Variants in RPL4 observed in about 807,000 individuals in gnomAD.
RPL4 encodes the protein ribosomal protein L4.
A neutral mutation model predicts 47.7 loss-of-function variants in RPL4; 3 were observed. The ratio of observed to expected loss-of-function variants is 0.06; its 90% CI spans 0.03 to 0.16. The LOEUF (loss-of-function observed/expected upper bound fraction) is 0.16, where lower values mean the gene tolerates loss of function less well. Among genes scored for constraint, RPL4 ranks in the 10% least tolerant of loss-of-function variants. RPL4 has a pLI of 1.00. For synonymous variants in RPL4, 208 were observed against 182.1 expected, an observed-to-expected ratio of 1.14 and a Z score of -1.15; for missense variants, 413 against 551.3, an observed-to-expected ratio of 0.75 and a Z score of 2.51.
rs146895952 is a variant in RPL4, at chr15:66,500,069, C to T, written c.1025G>A (p.Arg342His). The part of the protein sequence containing the change: ...AKTMRRNTIL[R>H]QARNHKLRVD... The stretch of plus-strand genomic sequence containing the variant: ...AACTCCACTCACATTCCTGGCCTGG[C>T]GAAGAATGGTGTTCCGGCGCATGGT... Residue 342 changes from arginine to histidine, a missense_variant, in exon 9 of 10, where the codon CGC becomes CAC. Arg to His is a conservative substitution (Grantham distance 29, BLOSUM62 0). Transcript: ENST00000307961. 17 of 1,611,550 alleles carry T rather than the reference C, an allele frequency of 1.1e-5. No homozygotes were observed. The highest frequency in any genetic ancestry group is 2.7e-5 in the African/African-American group (2 of 74,768).
intron 3 of RPL4, 50 bp downstream of exon 3, chr15:66,503,008 G>A (rs1893654413): frequency 5.9e-6 from 9 of 1,536,046 alleles, no homozygotes; most frequent in South Asian, 1.1e-5. Flanking sequence ...GACCCAGGCC[G>A]CTAAATTCCA....
Position 66,499,443 on chromosome 15 carries a change from C to T in RPL4, c.1248G>A (p.Lys416=). 1 of 1,611,842 alleles carries T rather than the reference C, an allele frequency of 6.2e-7. No homozygotes were observed. The highest frequency in any genetic ancestry group is 8.5e-7 in the Non-Finnish European group (1 of 1,179,836). ...GCTTCTTCTCCTCTGTAGTAGGTTT[C>T]TTCTCTGCAGGCTTCTTTTCAGGGG... ...KPAPEKKPAE[K]KPTTEEKKPA... Residue 416 remains lysine (K), a synonymous_variant, in exon 10 of 10, where the codon AAG becomes AAA. Transcript: ENST00000307961.
chr15:66,499,643 G>T lies in RPL4; in HGVS notation c.1048C>A (p.Arg350=), dbSNP rs747582782. 2 of 1,613,848 alleles carry T rather than the reference G, an allele frequency of 1.2e-6. No homozygotes were observed. Among genetic ancestry groups the T allele is most frequent in the East Asian group, 2.2e-5 (1 of 44,886 alleles). The change falls in exon 10 of 10, where the codon CGG becomes AGG. Residue 350 remains arginine, a synonymous_variant. Transcript: ENST00000307961. The part of the protein sequence containing the change: ...ILRQARNHKL[R]VDKAAAAAAA... ...GCTGCAGCAGCTGCCTTATCCACCC[G>T]GAGCTTGTGCTGCAACAAATTAGGC...
intron 8 of RPL4, 51 bp downstream of exon 8, chr15:66,500,242 A>C (rs371285656): frequency 5.8e-5 from 93 of 1,613,512 alleles, no homozygotes; most frequent in Non-Finnish European, 7.6e-5. Flanking sequence ...TTTTTGAAAC[A>C]ACCAATAGTA....
At chr15:66,504,682 C>A in intron 1 of RPL4, 106 bp downstream of exon 1, 1 of 1,512,488 alleles carries the variant, frequency 6.6e-7, no homozygotes, top group South Asian at 1.2e-5. Flanking sequence ...GTCCTCATCT[C>A]CCTCTCCTCG....
At chr15:66,500,477 TCTA>T in intron 7 of RPL4, 101 bp from the exon 8 acceptor site, 1 of 949,732 alleles carries the variant, frequency 1.1e-6, no homozygotes, top group Non-Finnish European at 1.7e-6. Context: ...CTCCAAAATA[TCTA>T]CTACACTATC....
In RPL4 at chr15:66,503,175, G is replaced by C. The variant is rs1893657349; in HGVS notation, c.176-11C>G. 6.2e-7 allele frequency: 1 copy of C among 1,613,062 alleles called. No individual in the cohort carries two copies. The highest frequency in any genetic ancestry group is 8.5e-7 in the Non-Finnish European group (1 of 1,179,162). ...CACTAGTCTGATGACCTAAAATTGA[G>C]AAGAGATAAAAGTTGTAGCTGCTTC... On this transcript the variant is annotated splice_polypyrimidine_tract_variant and intron_variant, in intron 2 of 9. Coordinates refer to ENST00000307961, the MANE Select transcript of RPL4 (RefSeq NM_000968.4).
intron 4 of RPL4, 111 bp from the exon 5 acceptor site, chr15:66,502,023 G>A (rs1893627827): frequency 7.3e-7 from 1 of 1,371,220 alleles, no homozygotes; most frequent in Non-Finnish European, 1.0e-6. Flanking sequence ...CGTTTGCCAA[G>A]TCAGAATTTC....
rs368526038 is a variant in RPL4, at chr15:66,500,399, G to A, written c.834-23C>T. ...AGACTGAAAGGGAAAAGATTGACAT[G>A]TACATGTAAAAGTAATCAACCAAAG... On this transcript the variant is annotated intron_variant, in intron 7 of 9. Coordinates refer to ENST00000307961, the MANE Select transcript of RPL4 (RefSeq NM_000968.4). The A allele has an allele frequency of 3.2e-4, 510 of 1,599,586 alleles. 1 individual carries two copies. Among genetic ancestry groups the A allele is most frequent in the Admixed American group, 5.9e-4 (35 of 59,606 alleles).
rs1259152214 is a variant in RPL4 at position 66,500,903 on chromosome 15, T to C, written c.833+46A>G. On this transcript the variant is annotated intron_variant, in intron 7 of 9. Transcript: ENST00000307961. ...CATGTAAGCCAATTCTGAATGTTAA[T>C]ATCCACAATATAAACATCTGTGCTT... 1.2e-5 allele frequency: 19 copies of C among 1,580,318 alleles called. No homozygotes were observed. In the Admixed American group the frequency reaches 2.2e-4, roughly 19 times the overall value.
At chr15:66,499,683 A>C in intron 9 of RPL4, 31 bp from the exon 10 acceptor site, 1 of 1,611,472 alleles carries the variant, frequency 6.2e-7, no homozygotes, top group Non-Finnish European at 8.5e-7. Context: ...AACAGTAAGA[A>C]TCAAATCCCT....
Position 66,501,458 on chromosome 15 carries a change from T to C in RPL4, c.593A>G (p.Asn198Ser), listed in dbSNP as rs1350008195. 1.2e-6 allele frequency: 2 copies of C among 1,614,096 alleles called. No homozygotes were observed. Among genetic ancestry groups the C allele is most frequent in the Non-Finnish European group, 1.7e-6 (2 of 1,180,050 alleles). ...RMRAGKGKMR[N>S]RRRIQRRGPC... Reference sequence around the variant, plus strand: ...GCCCCTGCGCTGGATACGGCGACGGTTTCTCATTTTGCCTTTGCCAGCTCT... The same window carrying C: ...GCCCCTGCGCTGGATACGGCGACGGCTTCTCATTTTGCCTTTGCCAGCTCT... Residue 198 changes from asparagine to serine, a missense_variant, in exon 6 of 10, where the codon AAC becomes AGC. By Grantham distance (46) the Asn-to-Ser change is conservative (BLOSUM62 1). Around this residue, in one of 4 missense-constraint regions of RPL4, gnomAD observed 214 missense variants for 304.2 expected, o/e 0.70. Coordinates refer to ENST00000307961, the MANE Select transcript of RPL4 (RefSeq NM_000968.4).
Position 66,501,659 on chromosome 15 carries a change from T to C in RPL4, c.546+129A>G. 3.3e-6 allele frequency: 5 copies of C among 1,500,568 alleles called. No individual in the cohort carries two copies. In the South Asian group the frequency reaches 5.2e-5, roughly 16 times the overall value. The allele number at this position is 1,500,568 out of a possible 1,614,324, so 93.0% of individuals were successfully genotyped here. On this transcript the variant is annotated intron_variant, in intron 5 of 9. Transcript: ENST00000307961. ...ACAGCAGTTAGGATTCAAACCCAAG[T>C]AATCGGGCTCTGAGGTTCTTGTTCT...
At position 66,500,294 on chromosome 15, in the gene RPL4, G is replaced by A. The variant is rs149553456; in HGVS notation, c.916C>T (p.Arg306Cys). 17 of 1,613,900 alleles carry A rather than the reference G, an allele frequency of 1.1e-5. No homozygotes were observed. The highest frequency in any genetic ancestry group is 4.4e-5 in the South Asian group (4 of 91,078). ...PEIQRALRAP[R>C]KKIHRRVLKK... ...ATTACACTCTAAGTATCACTTTACCGTGGTGCTCGAAGGGCTCTTTGGATC... is the reference window on the plus strand; with the variant it reads ...ATTACACTCTAAGTATCACTTTACCATGGTGCTCGAAGGGCTCTTTGGATC... The change falls in exon 8 of 10, where the codon CGC (arginine) becomes TGC (cysteine). Residue 306 changes from arginine to cysteine, a missense_variant and splice_region_variant. Arg to Cys is a radical substitution (Grantham distance 180). Transcript: ENST00000307961.
At chr15:66,502,310 G>A (rs1018218155) in intron 4 of RPL4, 7 of 391,532 alleles carry the variant, frequency 1.8e-5, no homozygotes, top group African/African-American at 8.3e-5. Flanking sequence ...AAAGGTTCAC[G>A]TGAAAGAAAA....
intron 4 of RPL4, 44 bp from the exon 5 acceptor site, chr15:66,501,956 T>C: frequency 6.3e-7 from 1 of 1,580,478 alleles, no homozygotes; most frequent in Non-Finnish European, 8.6e-7. Context: ...CTGAAACTTT[T>C]GGAGAAAAAA....
At chr15:66,501,131 G>C (rs1181188850) in intron 6 of RPL4, 26 bp from the exon 7 acceptor site, 1 of 1,607,754 alleles carries the variant, frequency 6.2e-7, no homozygotes, top group African/African-American at 1.3e-5. Flanking sequence ...AAAAATTAGG[G>C]AGCCTGTATT....
intron 1 of RPL4, 32 bp from the exon 2 acceptor site, chr15:66,503,561 A>T: frequency 6.4e-7 from 1 of 1,563,074 alleles, no homozygotes; most frequent in Non-Finnish European, 8.7e-7. Context: ...ATTTTTATTG[A>T]CAAGTAATGT....
chr15:66,499,261 C>T lies in RPL4; in HGVS notation c.*146G>A. 1 of 982,892 alleles carries T rather than the reference C, an allele frequency of 1.0e-6. No homozygotes were observed. Among genetic ancestry groups the T allele is most frequent in the Non-Finnish European group, 1.5e-6 (1 of 664,842 alleles). 60.9% of individuals were successfully genotyped at this position (982,892 alleles called of 1,614,324 possible). A position where few individuals can be genotyped will look rare whatever the true frequency, so the allele number is the denominator to read the frequency against. ...AAAATGTAACAGTCTAAATTATGGC[C>T]AACAAAATGTCACTTTAAAAAAATT... On this transcript the variant is annotated 3_prime_UTR_variant, in exon 10 of 10. Transcript: ENST00000307961.
Sources: gnomAD v4.1 joint callset for allele counts on GRCh38, gnomAD v4.1.1 for gene constraint, gnomAD v4.1.1 regional missense constraint, MANE v1.5 for transcripts, NCBI Gene and HGNC (gene_info 2026-07-23, HGNC 2026-07-21) for gene names.